The following PRRX2 variants were observed in gnomAD, a reference collection of about 807,000 sequenced individuals.
PRRX2 encodes paired mesoderm homeobox protein 2.
A neutral mutation model predicts 18.0 loss-of-function variants in PRRX2; 11 were observed. The observed-to-expected ratio is 0.61, with a 90% CI of 0.39 to 1.01. PRRX2 has a LOEUF of 1.01. Among genes scored for constraint, PRRX2 ranks in the 50% least tolerant of loss-of-function variants. The probability of loss-of-function intolerance (pLI) is 0.01; values close to 1 mark genes in which losing one functional copy is unlikely to be tolerated. For synonymous variants in PRRX2, 177 were observed against 154.8 expected, an observed-to-expected ratio of 1.14 and a Z score of -1.06; for missense variants, 387 against 351.0, an observed-to-expected ratio of 1.10 and a Z score of -0.82.
At chr9:129,684,509 CA>C (rs747538133) in intron 1 of PRRX2, among the ~76,000 whole-genome samples, 1,719 of 54,062 alleles carry the variant, frequency 0.032, 21 homozygotes, top group Non-Finnish European at 0.065. Context: ...CACACACACA[CA>C]CACACACACA....
intron 1 of PRRX2, among the ~76,000 whole-genome samples, chr9:129,711,396 TCTC>T (rs1321307003): frequency 7.0e-6 from 1 of 143,138 alleles, no homozygotes; most frequent in Non-Finnish European, 1.5e-5. Context: ...CAGGTGAGAT[TCTC>T]TTTTTTTTTT....
intron 1 of PRRX2, among the ~76,000 whole-genome samples, chr9:129,678,579 G>A (rs1031133407): frequency 1.3e-5 from 2 of 152,210 alleles, no homozygotes; most frequent in Non-Finnish European, 2.9e-5. Flanking sequence ...GGAGGTCAGG[G>A]AGGGCACGCC....
chr9:129,720,546 C>A, intron 2 of PRRX2, 50 bp from the exon 3 acceptor site: 1 of 1,517,722 alleles, frequency 6.6e-7, no homozygotes, highest in Non-Finnish European at 8.9e-7. Context: ...TCCAGAAGGA[C>A]TTGGGTCCCC....
At chr9:129,713,594 C>A (rs1428798137) in intron 1 of PRRX2, among the ~76,000 whole-genome samples, 1 of 151,674 alleles carries the variant, frequency 6.6e-6, no homozygotes, top group African/African-American at 2.4e-5. Flanking sequence ...TTGGCTTGGC[C>A]AGGCCTCCCA....
chr9:129,702,654 C>T (rs1168236464), intron 1 of PRRX2, among the ~76,000 whole-genome samples: 1 of 152,210 alleles, frequency 6.6e-6, no homozygotes, highest in Non-Finnish European at 1.5e-5. Flanking sequence ...TCAGTCTGAG[C>T]CATGTCATTC....
chr9:129,719,986 CAATA>C (rs35193994), intron 2 of PRRX2, among the ~76,000 whole-genome samples: 6 of 151,724 alleles, frequency 4.0e-5, no homozygotes, highest in African/African-American at 9.7e-5. Context: ...GACCCTGTCT[CAATA>C]AATAAACAAA....
chr9:129,709,727 A>G lies in PRRX2; in HGVS notation c.260-9504A>G, dbSNP rs1832597967. ...TTGTTCAAAATTAATGAGGTGAAAC[A>G]TTCTTAAAAGTGTGGCAGGGCAGTG... On this transcript the variant is annotated intron_variant, in intron 1 of 3. Coordinates refer to ENST00000372469, the MANE Select transcript of PRRX2 (RefSeq NM_016307.4). The surrounding 1 kb of genome is among the most constrained non-coding windows in gnomAD (Gnocchi z 4.2). 6.6e-6 allele frequency among the ~76,000 whole-genome samples: 1 copy of G among 152,128 alleles called. No individual in the cohort carries two copies. The highest frequency in any genetic ancestry group is 2.1e-4 in the South Asian group (1 of 4,828).
intron 1 of PRRX2, among the ~76,000 whole-genome samples, chr9:129,681,108 C>T (rs1257211993): frequency 6.6e-6 from 1 of 152,236 alleles, no homozygotes; most frequent in Non-Finnish European, 1.5e-5. Context: ...ACACTCTGAG[C>T]CAGTCCCCGG....
intron 1 of PRRX2, among the ~76,000 whole-genome samples, chr9:129,687,794 G>A (rs1421812074): frequency 2.0e-5 from 3 of 152,350 alleles, no homozygotes; most frequent in Non-Finnish European, 2.9e-5. Context: ...GACCCTGGCC[G>A]GGCAGGCCTA....
intron 1 of PRRX2, among the ~76,000 whole-genome samples, chr9:129,714,186 TC>T (rs375761485): frequency 6.6e-6 from 1 of 151,710 alleles, no homozygotes; most frequent in African/African-American, 2.4e-5. Context: ...ACGCCTGTAA[TC>T]CCAGCTACTC....
intron 3 of PRRX2, among the ~76,000 whole-genome samples, chr9:129,721,658 C>T (rs1465560536): frequency 1.3e-5 from 2 of 152,184 alleles, no homozygotes; most frequent in Admixed American, 6.5e-5. Context: ...CGGCTCACTG[C>T]AACCTCCGCC....
chr9:129,720,831 C>G, intron 3 of PRRX2, 57 bp downstream of exon 3: 1 of 1,455,962 alleles, frequency 6.9e-7, no homozygotes, highest in Admixed American at 2.4e-5. Context: ...TCCCAGAGGG[C>G]TTTTCCGGCC....
chr9:129,681,102 T>C (rs1588163900), intron 1 of PRRX2, among the ~76,000 whole-genome samples: 1 of 152,228 alleles, frequency 6.6e-6, no homozygotes, highest in East Asian at 1.9e-4. Flanking sequence ...GCACCCACAC[T>C]CTGAGCCAGT....
chr9:129,692,303 G>A (rs1286550894), intron 1 of PRRX2, among the ~76,000 whole-genome samples: 3 of 152,026 alleles, frequency 2.0e-5, no homozygotes, highest in African/African-American at 7.2e-5. Context: ...TGAGTGGAAA[G>A]TGCAGAGATT....
At chr9:129,706,132 G>A (rs1002188992) in intron 1 of PRRX2, among the ~76,000 whole-genome samples, 1 of 152,036 alleles carries the variant, frequency 6.6e-6, no homozygotes, top group Admixed American at 6.6e-5. Context: ...TTCACATACT[G>A]TACAATCACC....
Position 129,719,411 on chromosome 9 carries a change from G to A in PRRX2, c.440G>A (p.Arg147His). Residue 147 changes from arginine to histidine, a missense_variant, in exon 2 of 4, where the codon CGC becomes CAC. Coordinates refer to ENST00000372469, the MANE Select transcript of PRRX2 (RefSeq NM_016307.4). ...LARRVNLSEA[R>H]VQVWFQNRRA... ...CGGCGCGTCAACCTCAGCGAGGCGC[G>A]CGTTCAGGTGAGCGCTCAGTCCCGG... 8 of 1,532,732 alleles carry A rather than the reference G, an allele frequency of 5.2e-6. No homozygotes were observed. Among genetic ancestry groups the A allele is most frequent in the Non-Finnish European group, 7.0e-6 (8 of 1,139,416 alleles). The allele number at this position is 1,532,732 out of a possible 1,614,324, so 94.9% of individuals were successfully genotyped here.
chr9:129,699,462 T>C (rs533538175), intron 1 of PRRX2, among the ~76,000 whole-genome samples: 1 of 151,788 alleles, frequency 6.6e-6, no homozygotes, highest in African/African-American at 2.4e-5. Flanking sequence ...TGTGTGTGTG[T>C]GTGTGTGTGT....
chr9:129,671,124 T>C lies in PRRX2; in HGVS notation c.259+4998T>C, dbSNP rs934584481. Among the ~76,000 whole-genome samples, 1 of 152,176 alleles carries C rather than the reference T, an allele frequency of 6.6e-6. No individual in the cohort carries two copies. Among genetic ancestry groups the C allele is most frequent in the African/African-American group, 2.4e-5 (1 of 41,436 alleles). Reference sequence around the variant, plus strand: ...TTAGGAACCCCATGATGGGCGTGTCTCCCTGGGATGTGGGGTCTCTGAGCC... The same window carrying C: ...TTAGGAACCCCATGATGGGCGTGTCCCCCTGGGATGTGGGGTCTCTGAGCC... On this transcript the variant is annotated intron_variant, in intron 1 of 3. Coordinates refer to ENST00000372469, the MANE Select transcript of PRRX2 (RefSeq NM_016307.4). The surrounding 1 kb of genome is among the most constrained non-coding windows in gnomAD (Gnocchi z 4.0).
intron 1 of PRRX2, among the ~76,000 whole-genome samples, chr9:129,682,613 G>C (rs1832247543): frequency 1.3e-5 from 2 of 152,146 alleles, no homozygotes; most frequent in African/African-American, 4.8e-5. Flanking sequence ...AGGGAGGAGG[G>C]CAGGGAGTGT....
Sources: allele counts gnomAD v4.1 joint callset (sites outside exome capture counted in the v4.1 genomes callset), GRCh38; gene constraint gnomAD v4.1.1; non-coding constraint Gnocchi (gnomAD v3.1); transcripts MANE v1.5; gene names NCBI Gene and HGNC (gene_info 2026-07-23, HGNC 2026-07-21).